ADRA1A: variants seen among roughly 807,000 people sequenced by gnomAD.
ADRA1A encodes alpha-1A adrenergic receptor.
Under a neutral mutation model 29.6 loss-of-function variants are expected in ADRA1A, and 31 were observed. The ratio of observed to expected loss-of-function variants is 1.05; its 90% confidence interval spans 0.79 to 1.41. ADRA1A has a LOEUF of 1.41. Among genes scored for constraint, ADRA1A ranks in the 40% most tolerant of loss-of-function variants. ADRA1A has a pLI of 0.00. For missense variants in ADRA1A, 619 were observed against 601.1 expected, an observed-to-expected ratio of 1.03 and a Z score of -0.31; for synonymous variants, 311 against 254.3, an observed-to-expected ratio of 1.22 and a Z score of -2.12.
At position 26,823,136 on chromosome 8, in the gene ADRA1A, A is replaced by G. The variant is rs1442793385; in HGVS notation, c.883+40951T>C. On this transcript the variant is annotated intron_variant, in intron 2 of 2. Coordinates refer to ENST00000380573, the MANE Select transcript of ADRA1A (RefSeq NM_000680.4). This position sits in a 1 kb window ranked among gnomAD's most constrained non-coding sequence, Gnocchi z 4.2. ...GTAATTTTTTGTTATAGGCATTAAC[A>G]GAAGAACAAACACCAGCAAGAAATG... Among the ~76,000 whole-genome samples, 1 of 152,254 alleles carries G rather than the reference A, an allele frequency of 6.6e-6. No individual in the cohort carries two copies. The highest frequency in any genetic ancestry group is 1.5e-5 in the Non-Finnish European group (1 of 68,042).
At chr8:26,797,701 A>C (rs1808277538) in intron 2 of ADRA1A, among the ~76,000 whole-genome samples, 1 of 152,150 alleles carries the variant, frequency 6.6e-6, no homozygotes, top group African/African-American at 2.4e-5. Context: ...AAAACTCTTT[A>C]ATGTCCTATA....
At chr8:26,763,073 G>A (rs2130223199), downstream of ADRA1A, among the ~76,000 whole-genome samples, 1 of 152,276 alleles carries the variant, frequency 6.6e-6, no homozygotes, top group South Asian at 2.1e-4. The surrounding 1 kb of genome is among the most constrained non-coding windows in gnomAD (Gnocchi z 4.5). Context: ...TAGAGGAGGA[G>A]GAGGAGGAGG....
chr8:26,814,677 T>C (rs909872588), intron 2 of ADRA1A, among the ~76,000 whole-genome samples: 3 of 152,250 alleles, frequency 2.0e-5, no homozygotes, highest in Admixed American at 2.0e-4. Flanking sequence ...TCTCTCCATC[T>C]ATTTACTCAT....
chr8:26,748,805 A>C (rs1040220480), intron 2 of ADRA1A: 1 of 396,266 alleles, frequency 2.5e-6, no homozygotes, highest in Non-Finnish European at 4.9e-6. Flanking sequence ...TTCCCACTGA[A>C]TTTATTCAGC....
chr8:26,803,648 G>A (rs1293821457), intron 2 of ADRA1A, among the ~76,000 whole-genome samples: 4 of 152,066 alleles, frequency 2.6e-5, no homozygotes, highest in Admixed American at 1.3e-4. Flanking sequence ...CACAGCCTAC[G>A]AGACAATACA....
At chr8:26,779,539 C>A (rs1806803072) in intron 2 of ADRA1A, 1 of 594,838 alleles carries the variant, frequency 1.7e-6, no homozygotes, top group South Asian at 2.2e-5. Context: ...CAGCCCATGA[C>A]AAGCAGGATG....
chr8:26,846,843 G>C (rs1812240260), intron 2 of ADRA1A, among the ~76,000 whole-genome samples: 1 of 152,112 alleles, frequency 6.6e-6, no homozygotes, highest in African/African-American at 2.4e-5. Context: ...TGATAGACTG[G>C]ATTAAGAAAA....
chr8:26,811,698 A>C (rs371704073), intron 2 of ADRA1A, among the ~76,000 whole-genome samples: 1 of 152,212 alleles, frequency 6.6e-6, no homozygotes, highest in African/African-American at 2.4e-5. Context: ...AAATCTTCAG[A>C]TATAGAACAT....
rs528715094 is a variant in ADRA1A at position 26,778,594 on chromosome 8, C to CTG, written c.884-7930_884-7929dup. Among the ~76,000 whole-genome samples, 580 of 152,256 alleles carry CTG rather than the reference C, an allele frequency of 3.8e-3. 2 individuals carry two copies. The highest frequency in any genetic ancestry group is 0.013 in the African/African-American group (559 of 41,546). On this transcript the variant is annotated intron_variant, in intron 2 of 2. Transcript: ENST00000380573. The stretch of plus-strand genomic sequence containing the variant: ...ATTGAGAAAATGTGGCACATATACA[C>CTG]TGTGGAATACTATGCAGCCATAAAA...
chr8:26,756,641 C>T, exon 3 of ADRA1A: 1 of 1,592,808 alleles, frequency 6.3e-7, no homozygotes, highest in South Asian at 1.1e-5. Context: ...AAGTGTCAGG[C>T]AAGGCTCCTG....
rs1184100959 is a variant in ADRA1A at position 26,848,006 on chromosome 8, T to C, written c.883+16081A>G. 1.3e-5 allele frequency among the ~76,000 whole-genome samples: 2 copies of C among 152,220 alleles called. No individual in the cohort carries two copies. Among genetic ancestry groups the C allele is most frequent in the African/African-American group, 4.8e-5 (2 of 41,464 alleles). ...TGAAGCTGAGAAGTTTGAAAGCCAC[T>C]GGCTCAACCCAAGCCCCTCTCCTAC... On this transcript the variant is annotated intron_variant, in intron 2 of 2. Coordinates refer to ENST00000380573, the MANE Select transcript of ADRA1A (RefSeq NM_000680.4). This position sits in a 1 kb window ranked among gnomAD's most constrained non-coding sequence, Gnocchi z 4.3.
chr8:26,818,107 A>G (rs149836522), intron 2 of ADRA1A, among the ~76,000 whole-genome samples: 17 of 152,358 alleles, frequency 1.1e-4, no homozygotes, highest in African/African-American at 3.8e-4. Flanking sequence ...CTCCATTTAT[A>G]TGACATTTTT....
chr8:26,861,475 C>A (rs968807198), intron 2 of ADRA1A, among the ~76,000 whole-genome samples: 1 of 151,932 alleles, frequency 6.6e-6, no homozygotes, highest in African/African-American at 2.4e-5. Context: ...TCTCTCTTTA[C>A]TCTCTTTATC....
At chr8:26,861,103 A>G (rs1489694646) in intron 2 of ADRA1A, among the ~76,000 whole-genome samples, 1 of 152,020 alleles carries the variant, frequency 6.6e-6, no homozygotes, top group African/African-American at 2.4e-5. Context: ...TGCCAAATCT[A>G]GTGTTGGCTC....
At chr8:26,763,097 G>A, downstream of ADRA1A, among the ~76,000 whole-genome samples, 1 of 152,154 alleles carries the variant, frequency 6.6e-6, no homozygotes. This position sits in a 1 kb window ranked among gnomAD's most constrained non-coding sequence, Gnocchi z 4.5. Flanking sequence ...AAGAGAAAAA[G>A]GAGGAGAGAA....
chr8:26,832,955 T>C (rs1037465589), intron 2 of ADRA1A, among the ~76,000 whole-genome samples: 1 of 152,178 alleles, frequency 6.6e-6, no homozygotes, highest in Non-Finnish European at 1.5e-5. Context: ...TGAGACACAG[T>C]TGGGAGCTGC....
chr8:26,857,482 C>T (rs1813135100), intron 2 of ADRA1A, among the ~76,000 whole-genome samples: 1 of 152,230 alleles, frequency 6.6e-6, no homozygotes, highest in East Asian at 1.9e-4. Context: ...GCCTGGACAA[C>T]ACAGCAAGAT....
At chr8:26,824,837 G>A (rs1810433266) in intron 2 of ADRA1A, among the ~76,000 whole-genome samples, 1 of 152,168 alleles carries the variant, frequency 6.6e-6, no homozygotes, top group South Asian at 2.1e-4. Context: ...CTAATTGCAG[G>A]AGAACAGGTA....
intron 2 of ADRA1A, among the ~76,000 whole-genome samples, chr8:26,826,454 T>C (rs1008599154): frequency 6.6e-6 from 1 of 152,220 alleles, no homozygotes; most frequent in African/African-American, 2.4e-5. Context: ...AAATTAAAAA[T>C]TATATTTTAT....
Sources: gnomAD v4.1 joint callset for allele counts (sites outside exome capture counted in the v4.1 genomes callset) on GRCh38, gnomAD v4.1.1 for gene constraint, Gnocchi (gnomAD v3.1) non-coding constraint, MANE v1.5 for transcripts, NCBI Gene and HGNC (gene_info 2026-07-23, HGNC 2026-07-21) for gene names.